LRPAP1: variants seen among roughly 807,000 people sequenced by gnomAD.
LRPAP1 encodes the protein LDL receptor related protein associated protein 1, also known as alpha-2-macroglobulin receptor-associated protein.
LRPAP1 carries 41 observed loss-of-function variants against 39.9 expected under a neutral mutation model. The observed-to-expected ratio is 1.03, with a 90% CI of 0.80 to 1.33. The LOEUF is 1.33. LRPAP1 is among the 40% of genes most tolerant of loss of function. The pLI is 0.00. For synonymous variants in LRPAP1, 263 were observed against 212.7 expected (o/e 1.24, Z -2.06); for missense variants, 565 against 482.3 (o/e 1.17, Z -1.61).
chr4:3,515,089 A>C (rs1350997620), intron 6 of LRPAP1, among the ~76,000 whole-genome samples, 161 bp from the exon 7 acceptor site: 1 of 152,178 alleles, frequency 6.6e-6, no homozygotes, highest in Non-Finnish European at 1.5e-5. Context: ...CTGGGAGGCC[A>C]TCACACTAGC....
chr4:3,515,019 C>G, intron 6 of LRPAP1, 91 bp from the exon 7 acceptor site: 1 of 1,423,092 alleles, frequency 7.0e-7, no homozygotes, highest in Non-Finnish European at 9.7e-7. Flanking sequence ...CGCCAAAGGA[C>G]GGCGCCATAC....
Position 3,511,160 on chromosome 4 carries a change from C to T in LRPAP1, c.*1814G>A, listed in dbSNP as rs1214168448. On this transcript the variant is annotated 3_prime_UTR_variant, in exon 8 of 8. Transcript: ENST00000650182. ...CCCAGCTGGGAGAAAGAAACACAGT[C>T]CAACCACTTTGGAATCATCTCTATA... The T allele has an allele frequency of 6.6e-6, 1 of 152,230 alleles. No individual in the cohort carries two copies. The highest frequency in any genetic ancestry group is 1.5e-5 in the Non-Finnish European group (1 of 68,054). 9.4% of individuals were successfully genotyped at this position (152,230 alleles called of 1,614,324 possible).
intron 5 of LRPAP1, among the ~76,000 whole-genome samples, chr4:3,516,483 C>A (rs1056037897): frequency 5.1e-5 from 6 of 117,954 alleles, no homozygotes; most frequent in Non-Finnish European, 7.3e-5. Flanking sequence ...GCCTGGGAAG[C>A]GCCACAGCCC....
rs1729781297 is a variant in LRPAP1, at chr4:3,518,149, G to A, written c.636C>T (p.Ile212=). 2.5e-6 allele frequency: 4 copies of A among 1,613,586 alleles called. No individual in the cohort carries two copies. The highest frequency in any genetic ancestry group is 3.4e-6 in the Non-Finnish European group (4 of 1,179,888). The part of the protein sequence containing the change: ...NVISPSDLSD[I]KGSVLHSRHT... ...GCCTGCTGTGCAGGACGCTGCCCTT[G>A]ATGTCGCTCAGGTCCGAGGGGCTAA... is the stretch of plus-strand genomic sequence containing the variant. The change falls in exon 5 of 8, where the codon ATC becomes ATT. Residue 212 remains isoleucine, a synonymous_variant. Transcript: ENST00000650182.
Position 3,511,097 on chromosome 4 carries a change from G to A in LRPAP1, c.*1877C>T, listed in dbSNP as rs1455570406. ...GGCTGTCCATAATTAAAAATACCGA[G>A]CACCAAGTCTCAGCAATCCACTAGT... On this transcript the variant is annotated 3_prime_UTR_variant, in exon 8 of 8. Transcript: ENST00000650182. 6.6e-6 allele frequency: 1 copy of A among 152,166 alleles called. No homozygotes were observed. The highest frequency in any genetic ancestry group is 1.5e-5 in the Non-Finnish European group (1 of 68,046). 9.4% of individuals were successfully genotyped at this position (152,166 alleles called of 1,614,324 possible).
Position 3,506,883 on chromosome 4 carries a change from A to C in LRPAP1, c.*6091T>G, listed in dbSNP as rs572809345. On this transcript the variant is annotated 3_prime_UTR_variant, in exon 8 of 8. Coordinates refer to ENST00000650182, the MANE Select transcript of LRPAP1 (RefSeq NM_002337.4). ...GAGGATCGGAAATTATTCACAACAC[A>C]TATCTGAGGAAGGACTCACACCTAG... 1 of 152,246 alleles carries C rather than the reference A, an allele frequency of 6.6e-6. No homozygotes were observed. The highest frequency in any genetic ancestry group is 6.5e-5 in the Admixed American group (1 of 15,290). The allele number at this position is 152,246 out of a possible 1,614,324, so 9.4% of individuals were successfully genotyped here. A position where few individuals can be genotyped will look rare whatever the true frequency, so the allele number is the denominator to read the frequency against.
chr4:3,514,855 T>C lies in LRPAP1; in HGVS notation c.908A>G (p.Glu303Gly). The C allele has an allele frequency of 1.2e-6, 2 of 1,613,876 alleles. No individual in the cohort carries two copies. The highest frequency in any genetic ancestry group is 1.7e-6 in the Non-Finnish European group (2 of 1,179,926). ...CACGCTCTCTGCGTGCCTCAGCTTC[T>C]CGTGCGCAATCTCCAGCTGCTTCTG... Reference protein sequence around the residue: ...HYQKQLEIAHEKLRHAESVGD... With the variant: ...HYQKQLEIAHGKLRHAESVGD... Residue 303 changes from glutamate to glycine, a missense_variant, in exon 7 of 8, where the codon GAG becomes GGG. By Grantham distance (98) the Glu-to-Gly change is moderately conservative. Transcript: ENST00000650182.
chr4:3,516,015 A>G, intron 6 of LRPAP1, 101 bp downstream of exon 6: 1 of 1,149,674 alleles, frequency 8.7e-7, no homozygotes, highest in Non-Finnish European at 1.3e-6. Context: ...GAATCTTGAG[A>G]GAGAGAGCTT....
In LRPAP1 at chr4:3,525,225, A is replaced by G. The variant is rs567047205; in HGVS notation, c.205-174T>C. The stretch of plus-strand genomic sequence containing the variant: ...CCACAGGTTTAGACAAGAACTCAAC[A>G]TGGACACCAGTCTCTAGGCCTGTCT... On this transcript the variant is annotated intron_variant, in intron 1 of 7. Coordinates refer to ENST00000650182, the MANE Select transcript of LRPAP1 (RefSeq NM_002337.4). 57 of 668,928 alleles carry G rather than the reference A, an allele frequency of 8.5e-5. No homozygotes were observed. The South Asian group carries it at 9.9e-4, about 12-fold the overall frequency. The allele number at this position is 668,928 out of a possible 1,614,324, so 41.4% of individuals were successfully genotyped here.
intron 6 of LRPAP1, among the ~76,000 whole-genome samples, chr4:3,515,306 T>C (rs1297251111): frequency 6.6e-6 from 1 of 152,136 alleles, no homozygotes; most frequent in Non-Finnish European, 1.5e-5. Context: ...TGCAGCTCTG[T>C]CCCTGCTCCT....
rs923696158 is a variant in LRPAP1, at chr4:3,504,701, G to C, written c.*8273C>G. Among the ~76,000 whole-genome samples the C allele has an allele frequency of 1.0e-4, 15 of 143,434 alleles. No homozygotes were observed. The highest frequency in any genetic ancestry group is 3.3e-4 in the African/African-American group (13 of 38,964). 94.1% of individuals were successfully genotyped at this position (143,434 alleles called of 152,430 possible). Reference sequence around the variant, plus strand: ...GGAGGTGGAGGTTGCAGTGAGCCAAGATTGCGCCATTGCACTGCAGCCTGA... The same window carrying C: ...GGAGGTGGAGGTTGCAGTGAGCCAACATTGCGCCATTGCACTGCAGCCTGA... On this transcript the variant is annotated 3_prime_UTR_variant, in exon 8 of 8. Transcript: ENST00000650182.
chr4:3,518,370 C>CCAGGCGAGA (rs1805167), intron 4 of LRPAP1, among the ~76,000 whole-genome samples, 178 bp from the exon 5 acceptor site: 72,102 of 151,460 alleles, frequency 0.48, 17,566 homozygotes, highest in Admixed American at 0.62. Flanking sequence ...AGCTTCCTTT[C>CCAGGCGAGA]CAGGCGAGAC....
At chr4:3,513,975 C>T (rs1248919305) in intron 7 of LRPAP1, among the ~76,000 whole-genome samples, 1 of 152,264 alleles carries the variant, frequency 6.6e-6, no homozygotes, top group African/African-American at 2.4e-5. Context: ...CTTTCTTAAC[C>T]AACACCGAGC....
chr4:3,516,562 C>T (rs964098035), intron 5 of LRPAP1, among the ~76,000 whole-genome samples: 9 of 152,330 alleles, frequency 5.9e-5, no homozygotes, highest in Non-Finnish European at 1.0e-4. Context: ...GCCAGGACCT[C>T]GGGTGGGGGC....
chr4:3,526,043 CG>C (rs1275620063), intron 1 of LRPAP1, among the ~76,000 whole-genome samples: 1 of 152,204 alleles, frequency 6.6e-6, no homozygotes, highest in African/African-American at 2.4e-5. Flanking sequence ...TGAACCAGAA[CG>C]TGTCATGAGG....
chr4:3,519,796 C>A (rs373652562), intron 3 of LRPAP1, among the ~76,000 whole-genome samples: 3 of 152,358 alleles, frequency 2.0e-5, no homozygotes, highest in East Asian at 3.9e-4. Context: ...GTCACCATCC[C>A]GTAACCACAC....
rs1729459928 is a variant in LRPAP1 at position 3,509,976 on chromosome 4, A to C, written c.*2998T>G. On this transcript the variant is annotated 3_prime_UTR_variant, in exon 8 of 8. Coordinates refer to ENST00000650182, the MANE Select transcript of LRPAP1 (RefSeq NM_002337.4). ...TCAAGGGAATTGCTATTGAAATTCCAGAAGGCATGTTTTTTTGGTAGAAAT... is the reference window on the plus strand; with the variant it reads ...TCAAGGGAATTGCTATTGAAATTCCCGAAGGCATGTTTTTTTGGTAGAAAT... 1.4e-5 allele frequency: 2 copies of C among 145,278 alleles called. No homozygotes were observed. Among genetic ancestry groups the C allele is most frequent in the East Asian group, 2.4e-4 (1 of 4,116 alleles). The allele number at this position is 145,278 out of a possible 1,614,324, so 9.0% of individuals were successfully genotyped here.
intron 7 of LRPAP1, 141 bp downstream of exon 7, chr4:3,514,611 G>A: frequency 1.8e-6 from 2 of 1,124,974 alleles, no homozygotes; most frequent in Non-Finnish European, 2.5e-6. Flanking sequence ...CACACTTGTG[G>A]CCCTGGGGTT....
At position 3,518,272 on chromosome 4, in the gene LRPAP1, G is replaced by A. The variant is rs1190425768; in HGVS notation, c.593-80C>T. 1.1e-5 allele frequency: 16 copies of A among 1,436,926 alleles called. No individual in the cohort carries two copies. The Admixed American group carries it at 3.5e-4, about 31-fold the overall frequency. 89.0% of individuals were successfully genotyped at this position (1,436,926 alleles called of 1,614,324 possible). A position where few individuals can be genotyped will look rare whatever the true frequency, so the allele number is the denominator to read the frequency against. On this transcript the variant is annotated intron_variant, in intron 4 of 7. Coordinates refer to ENST00000650182, the MANE Select transcript of LRPAP1 (RefSeq NM_002337.4). ...CAGACCACTGTCTAGAACGCCCACT[G>A]CTGGGGAGCTCAAACTCGCTCTCAT...
Sources: gnomAD v4.1 joint callset for allele counts (sites outside exome capture counted in the v4.1 genomes callset) on GRCh38, gnomAD v4.1.1 for gene constraint, MANE v1.5 for transcripts, NCBI Gene and HGNC (gene_info 2026-07-23, HGNC 2026-07-21) for gene names.